PBX1: variants seen among roughly 807,000 people sequenced by gnomAD.
The protein encoded by PBX1 is pre-B-cell leukemia transcription factor 1.
PBX1 carries 6 observed loss-of-function variants against 53.4 expected under a neutral mutation model. The observed-to-expected ratio is 0.11, with a 90% CI of 0.06 to 0.22. The LOEUF is 0.22. Among genes scored for constraint, PBX1 ranks in the 10% least tolerant of loss-of-function variants. PBX1 has a pLI of 1.00. For missense variants in PBX1, 251 were observed against 551.4 expected (o/e 0.46, Z 5.46); for synonymous variants, 204 against 212.3 (o/e 0.96, Z 0.34).
chr1:164,586,772 C>T (rs1654974553), intron 2 of PBX1, among the ~76,000 whole-genome samples: 1 of 152,122 alleles, frequency 6.6e-6, no homozygotes, highest in South Asian at 2.1e-4. Flanking sequence ...CTGTTGAACA[C>T]AGAATTCGTG....
chr1:164,768,687 A>G (rs1227739139), intron 2 of PBX1, among the ~76,000 whole-genome samples: 1 of 152,206 alleles, frequency 6.6e-6, no homozygotes, highest in Non-Finnish European at 1.5e-5. Context: ...CTTTCTACCC[A>G]GTGTACCCAA....
At chr1:164,746,058 T>C (rs1665874921) in intron 2 of PBX1, among the ~76,000 whole-genome samples, 1 of 152,232 alleles carries the variant, frequency 6.6e-6, no homozygotes, top group South Asian at 2.1e-4. Flanking sequence ...CATTAGTACA[T>C]GTATATTTTT....
In PBX1 at chr1:164,559,754, T is replaced by C; in HGVS notation, c.-69T>C. On this transcript the variant is annotated 5_prime_UTR_variant, in exon 1 of 9. Transcript: ENST00000420696. ...AGACAAGCTTGAAGGATAAAAAGCC[T>C]TGGTGCTTCCCAGGAGCCGAGCCGA... is the stretch of plus-strand genomic sequence containing the variant. 1 of 1,240,952 alleles carries C rather than the reference T, an allele frequency of 8.1e-7. No homozygotes were observed. The allele number at this position is 1,240,952 out of a possible 1,614,324, so 76.9% of individuals were successfully genotyped here.
At chr1:164,565,525 A>C (rs1444100284) in intron 2 of PBX1, among the ~76,000 whole-genome samples, 1 of 151,868 alleles carries the variant, frequency 6.6e-6, no homozygotes, top group Non-Finnish European at 1.5e-5. Context: ...CTTAGTCTTC[A>C]ACTTGTGTGT....
chr1:164,559,361 A>C lies in PBX1; in HGVS notation c.-462A>C. On this transcript the variant is annotated 5_prime_UTR_variant, in exon 1 of 9. Transcript: ENST00000420696. ...GGGGGCAGCGGGGGGTGGGGGGGGA[A>C]AGTTTGCATTGCAATCCCCCTGCCT... The C allele has an allele frequency of 1.4e-5, 3 of 209,546 alleles. No individual in the cohort carries two copies. The highest frequency in any genetic ancestry group is 2.3e-5 in the African/African-American group (1 of 43,870). The allele number at this position is 209,546 out of a possible 1,614,324, so 13.0% of individuals were successfully genotyped here.
At chr1:164,784,313 C>T (rs973584058) in intron 2 of PBX1, among the ~76,000 whole-genome samples, 2 of 152,218 alleles carry the variant, frequency 1.3e-5, no homozygotes, top group South Asian at 4.1e-4. Context: ...CAAAGCCCCT[C>T]GCCCAGGCAG....
In PBX1 at chr1:164,850,683, A is replaced by G. The variant is rs1671792491; in HGVS notation, c.*4007A>G. 1 of 194,446 alleles carries G rather than the reference A, an allele frequency of 5.1e-6. No homozygotes were observed. The highest frequency in any genetic ancestry group is 1.1e-5 in the Non-Finnish European group (1 of 93,204). 12.0% of individuals were successfully genotyped at this position (194,446 alleles called of 1,614,324 possible). On this transcript the variant is annotated 3_prime_UTR_variant, in exon 9 of 9. Transcript: ENST00000420696. The stretch of plus-strand genomic sequence containing the variant: ...AAAAGCGAAGATCAAGCCCATGTTG[A>G]TGTCTCGTTGCTCACCTGCATTTCC...
At chr1:164,560,538 C>T (rs184121084) in intron 1 of PBX1, 8 of 159,376 alleles carry the variant, frequency 5.0e-5, no homozygotes, top group Admixed American at 1.0e-4. Flanking sequence ...TAATTTTTAT[C>T]TTTTCTCCTT....
At chr1:164,587,483 A>G (rs1201582567) in intron 2 of PBX1, among the ~76,000 whole-genome samples, 1 of 151,576 alleles carries the variant, frequency 6.6e-6, no homozygotes, top group Non-Finnish European at 1.5e-5. Flanking sequence ...TGTATTGTGT[A>G]TACTCACCCA....
At position 164,850,953 on chromosome 1, in the gene PBX1, G is replaced by C. The variant is rs376221491; in HGVS notation, c.*4277G>C. The C allele has an allele frequency of 9.3e-6, 2 of 214,684 alleles. No homozygotes were observed. Among genetic ancestry groups the C allele is most frequent in the Non-Finnish European group, 1.9e-5 (2 of 106,276 alleles). The allele number at this position is 214,684 out of a possible 1,614,324, so 13.3% of individuals were successfully genotyped here. A position where few individuals can be genotyped will look rare whatever the true frequency, so the allele number is the denominator to read the frequency against. ...AGGCCTTTTCTTCCAGGAGAGTCCC[G>C]CAGGAGATGCTGGTATGATGGGCAC... On this transcript the variant is annotated 3_prime_UTR_variant, in exon 9 of 9. Coordinates refer to ENST00000420696, the MANE Select transcript of PBX1 (RefSeq NM_002585.4).
intron 2 of PBX1, among the ~76,000 whole-genome samples, chr1:164,716,327 C>G (rs1664078059): frequency 6.6e-6 from 1 of 152,008 alleles, no homozygotes; most frequent in Non-Finnish European, 1.5e-5. Flanking sequence ...ATAATAAGAT[C>G]CTTACCCCCT....
At chr1:164,810,413 C>T (rs1669548796) in intron 5 of PBX1, among the ~76,000 whole-genome samples, 1 of 152,174 alleles carries the variant, frequency 6.6e-6, no homozygotes, top group Admixed American at 6.5e-5. Flanking sequence ...CTACCAGTTC[C>T]ATTGTTGTCA....
intron 2 of PBX1, among the ~76,000 whole-genome samples, chr1:164,863,656 A>T (rs1211221705): frequency 6.6e-6 from 1 of 152,224 alleles, no homozygotes; most frequent in African/African-American, 2.4e-5. Flanking sequence ...CTCAGGCTAT[A>T]AACTGACAAA....
At chr1:164,591,418 G>A (rs1023512080) in intron 2 of PBX1, among the ~76,000 whole-genome samples, 3 of 152,026 alleles carry the variant, frequency 2.0e-5, no homozygotes, top group East Asian at 3.9e-4. Context: ...AAATAATTTC[G>A]GGCTAAGTTG....
intron 2 of PBX1, among the ~76,000 whole-genome samples, chr1:164,790,593 T>G (rs1243333272): frequency 6.6e-6 from 1 of 152,142 alleles, no homozygotes; most frequent in Non-Finnish European, 1.5e-5. Context: ...CCCAAGCTTC[T>G]GCCCTGCACC....
rs1448303153 is a variant in PBX1 at position 164,847,457 on chromosome 1, C to A, written c.*781C>A. The stretch of plus-strand genomic sequence containing the variant: ...TTCTTACCCTGCTAGCAATAGCTCT[C>A]AGTTTCAGAGGCACAGTCTTTGGAG... On this transcript the variant is annotated 3_prime_UTR_variant, in exon 9 of 9. Coordinates refer to ENST00000420696, the MANE Select transcript of PBX1 (RefSeq NM_002585.4). The A allele has an allele frequency of 4.7e-6, 5 of 1,063,136 alleles. No homozygotes were observed. The highest frequency in any genetic ancestry group is 5.7e-6 in the Non-Finnish European group (5 of 877,960). The allele number at this position is 1,063,136 out of a possible 1,614,324, so 65.9% of individuals were successfully genotyped here.
At chr1:164,811,867 A>G in intron 5 of PBX1, 123 bp from the exon 6 acceptor site, 1 of 509,896 alleles carries the variant, frequency 2.0e-6, no homozygotes, top group Non-Finnish European at 2.9e-6. Context: ...ATGTTGCCAA[A>G]TTATTATAGG....
At chr1:164,684,019 T>C (rs1035335618) in intron 2 of PBX1, 2 of 152,128 alleles carry the variant, frequency 1.3e-5, no homozygotes, top group African/African-American at 2.4e-5. Flanking sequence ...GGTCTCAGTA[T>C]GTTGCTCAGG....
chr1:164,703,493 C>A (rs916136580), intron 2 of PBX1, among the ~76,000 whole-genome samples: 4 of 152,118 alleles, frequency 2.6e-5, no homozygotes, highest in Non-Finnish European at 1.5e-5. Context: ...TGATCTGTGG[C>A]ATGACAGGCC....
Sources: allele counts gnomAD v4.1 joint callset (sites outside exome capture counted in the v4.1 genomes callset), GRCh38; gene constraint gnomAD v4.1.1; transcripts MANE v1.5; gene names NCBI Gene and HGNC (gene_info 2026-07-23, HGNC 2026-07-21).